Variants in BAZ2B observed in about 807,000 individuals in gnomAD.
BAZ2B encodes bromodomain adjacent to zinc finger domain protein 2B.
A neutral mutation model predicts 246.0 loss-of-function variants in BAZ2B; 91 were observed. The observed-to-expected ratio is 0.37, with a 90% CI of 0.31 to 0.44. The LOEUF (loss-of-function observed/expected upper bound fraction) is 0.44. Among genes scored for constraint, BAZ2B ranks in the 20% least tolerant of loss-of-function variants. BAZ2B has a pLI of 1.00. For synonymous variants in BAZ2B, 855 were observed against 860.0 expected, an observed-to-expected ratio of 0.99 and a Z score of 0.10; for missense variants, 2,332 against 2,533.7, an observed-to-expected ratio of 0.92 and a Z score of 1.71.
the BAZ2B span, among the ~76,000 whole-genome samples, chr2:159,645,271 T>TA: frequency 5.1e-5 from 6 of 118,194 alleles, no homozygotes; most frequent in Admixed American, 5.1e-4. Context: ...GCCCTGTCTC[T>TA]AAAAAAAGTT....
At chr2:159,539,197 T>A (rs1301168086) in intron 2 of BAZ2B, among the ~76,000 whole-genome samples, 3 of 152,226 alleles carry the variant, frequency 2.0e-5, no homozygotes, top group Non-Finnish European at 4.4e-5. Flanking sequence ...GACCAGTTTA[T>A]GTGTCTGTCT....
rs376860541 is a variant in BAZ2B, at chr2:159,325,862, A to G, written c.6000T>C (p.Asn2000=). 95 of 1,601,166 alleles carry G rather than the reference A, an allele frequency of 5.9e-5. No individual in the cohort carries two copies. Among genetic ancestry groups the G allele is most frequent in the Middle Eastern group, 1.7e-4 (1 of 6,060 alleles). Residue 2000 remains asparagine, a synonymous_variant, in exon 35 of 37, where the codon AAT becomes AAC. Transcript: ENST00000392783. ...KKLHVKGKKT[N]ESKKGKKVTL... is the part of the protein sequence containing the mutation. ...TTACCTTCTTGCCTTTCTTTGACTCATTAGTCTTTTTTCCTTTGACATGAA... is the reference window on the plus strand; with the variant it reads ...TTACCTTCTTGCCTTTCTTTGACTCGTTAGTCTTTTTTCCTTTGACATGAA...
rs1013205107 is a variant in BAZ2B at position 159,324,653 on chromosome 2, C to T, written c.6353+158G>A. Reference sequence around the variant, plus strand: ...ACACACACACACACACACACACACACACACACACACACACACACACACACA... The same window carrying T: ...ACACACACACACACACACACACACATACACACACACACACACACACACACA... On this transcript the variant is annotated intron_variant, in intron 36 of 36. Coordinates refer to ENST00000392783, the MANE Select transcript of BAZ2B (RefSeq NM_013450.4). Among the ~76,000 whole-genome samples the T allele has an allele frequency of 3.2e-5, 4 of 126,058 alleles. No individual in the cohort carries two copies. Among genetic ancestry groups the T allele is most frequent in the African/African-American group, 1.0e-4 (3 of 29,588 alleles). 82.7% of individuals were successfully genotyped at this position (126,058 alleles called of 152,430 possible).
chr2:159,566,862 C>G (rs1578439968), intron 1 of BAZ2B, among the ~76,000 whole-genome samples: 1 of 151,916 alleles, frequency 6.6e-6, no homozygotes, highest in Non-Finnish European at 1.5e-5. Context: ...AGGTTATATA[C>G]TAAGGTACAT....
At chr2:159,669,209 C>T in the BAZ2B span, among the ~76,000 whole-genome samples, 2 of 151,214 alleles carry the variant, frequency 1.3e-5, no homozygotes, top group East Asian at 3.8e-4. Flanking sequence ...TCTTCTTTGT[C>T]CTATTTTTTA....
At chr2:159,414,018 G>A (rs578058422) in intron 13 of BAZ2B, among the ~76,000 whole-genome samples, 1 of 152,302 alleles carries the variant, frequency 6.6e-6, no homozygotes, top group East Asian at 1.9e-4. Flanking sequence ...TAACCCATAT[G>A]TCAGATGGAT....
intron 25 of BAZ2B, among the ~76,000 whole-genome samples, chr2:159,375,785 C>T (rs75717137): frequency 0.063 from 9,504 of 152,042 alleles, 343 homozygotes; most frequent in Middle Eastern, 0.14. Flanking sequence ...CACAGAGGGG[C>T]AAGGGAGATG....
the BAZ2B span, among the ~76,000 whole-genome samples, chr2:159,652,460 T>G: frequency 6.6e-6 from 1 of 152,100 alleles, no homozygotes; most frequent in East Asian, 1.9e-4. Context: ...TCCACCCACC[T>G]CGGCCTCCTA....
At chr2:159,384,178 G>A (rs1479975402) in intron 23 of BAZ2B, among the ~76,000 whole-genome samples, 1 of 151,936 alleles carries the variant, frequency 6.6e-6, no homozygotes, top group Non-Finnish European at 1.5e-5. Flanking sequence ...AAGTCAAATA[G>A]GGATGCTTTT....
chr2:159,526,926 C>T (rs892493550), intron 2 of BAZ2B, among the ~76,000 whole-genome samples: 3 of 150,096 alleles, frequency 2.0e-5, no homozygotes, highest in Non-Finnish European at 4.4e-5. Context: ...TGCTCACTAG[C>T]TTATATAGTA....
At chr2:159,502,992 T>C (rs2081997048) in intron 2 of BAZ2B, among the ~76,000 whole-genome samples, 1 of 152,216 alleles carries the variant, frequency 6.6e-6, no homozygotes, top group South Asian at 2.1e-4. Context: ...ATTCCCACCA[T>C]CATCTTAATA....
chr2:159,634,368 C>G, the BAZ2B span, among the ~76,000 whole-genome samples: 1 of 152,190 alleles, frequency 6.6e-6, no homozygotes, highest in African/African-American at 2.4e-5. Flanking sequence ...AAGGAACAAG[C>G]TGTCAAGCAC....
the BAZ2B span, among the ~76,000 whole-genome samples, chr2:159,654,888 C>T: frequency 3.9e-5 from 6 of 151,918 alleles, no homozygotes; most frequent in South Asian, 2.1e-4. Context: ...GCCTGGGAGG[C>T]GGAAGCTATA....
At chr2:159,597,152 G>A (rs1007183907) in intron 1 of BAZ2B, among the ~76,000 whole-genome samples, 3 of 151,100 alleles carry the variant, frequency 2.0e-5, no homozygotes, top group African/African-American at 7.4e-5. Flanking sequence ...CAATAGTGAT[G>A]TTGAGCATTT....
chr2:159,347,422 A>G, intron 31 of BAZ2B, 64 bp downstream of exon 31: 1 of 1,478,282 alleles, frequency 6.8e-7, no homozygotes, highest in Non-Finnish European at 9.4e-7. Context: ...TATATTAGGC[A>G]AGTAATAAAC....
In BAZ2B at chr2:159,348,799, T is replaced by C. The variant is rs2149130308; in HGVS notation, c.5172A>G (p.Pro1724=). 1 of 1,609,504 alleles carries C rather than the reference T, an allele frequency of 6.2e-7. No homozygotes were observed. Residue 1724 remains proline (P), a synonymous_variant, in exon 30 of 37, where the codon CCA becomes CCG. Coordinates refer to ENST00000392783, the MANE Select transcript of BAZ2B (RefSeq NM_013450.4). The stretch of plus-strand genomic sequence containing the variant: ...CTTTGAGCAAAGCTTTTAGGTCCTC[T>C]GGGTCAATAATTCTCCACCAACCAA... ...MQFGWWRIID[P]EDLKALLKVL...
Position 159,427,892 on chromosome 2 carries a change from A to T in BAZ2B, c.2466+49T>A, listed in dbSNP as rs1014444606. The T allele has an allele frequency of 3.5e-6, 5 of 1,426,536 alleles. No homozygotes were observed. The Admixed American group carries it at 6.8e-5, about 19-fold the overall frequency. 88.4% of individuals were successfully genotyped at this position (1,426,536 alleles called of 1,614,324 possible). A position where few individuals can be genotyped will look rare whatever the true frequency, so the allele number is the denominator to read the frequency against. On this transcript the variant is annotated intron_variant, in intron 13 of 36. Transcript: ENST00000392783. The stretch of plus-strand genomic sequence containing the variant: ...TAGTGAAATTTACTTCATTTAGGTT[A>T]TGGTACTACTTTTTGGTTCAAAGAC...
At chr2:159,660,511 T>A in the BAZ2B span, among the ~76,000 whole-genome samples, 1 of 152,168 alleles carries the variant, frequency 6.6e-6, no homozygotes, top group Non-Finnish European at 1.5e-5. Flanking sequence ...TAACTCTATG[T>A]TTAACTTTTT....
At chr2:159,397,242 T>C (rs893093931) in intron 19 of BAZ2B, 103 bp downstream of exon 19, 1 of 1,243,036 alleles carries the variant, frequency 8.0e-7, no homozygotes, top group African/African-American at 1.5e-5. Flanking sequence ...AGAAATTATA[T>C]CAGAAATTTT....
Sources: allele counts gnomAD v4.1 joint callset (sites outside exome capture counted in the v4.1 genomes callset), GRCh38; gene constraint gnomAD v4.1.1; transcripts MANE v1.5; gene names NCBI Gene and HGNC (gene_info 2026-07-23, HGNC 2026-07-21).